BBS9: variants seen among roughly 807,000 people sequenced by gnomAD.
BBS9 encodes the protein protein PTHB1.
In BBS9, 89 loss-of-function variants were observed where a neutral mutation model predicts 117.7. That is an observed-to-expected ratio of 0.76 (90% CI 0.64 to 0.90). BBS9 has a LOEUF of 0.90. Ranked by LOEUF, BBS9 falls within the 40% of genes least tolerant of loss-of-function variation. The pLI, the probability that BBS9 is intolerant of heterozygous loss-of-function variation, is 0.00. For synonymous variants in BBS9, 379 were observed against 370.9 expected (o/e 1.02, Z -0.25); for missense variants, 982 against 1,042.2 (o/e 0.94, Z 0.80).
intron 19 of BBS9, among the ~76,000 whole-genome samples, chr7:33,421,015 C>G (rs1832784350): frequency 6.6e-6 from 1 of 152,152 alleles, no homozygotes; most frequent in Non-Finnish European, 1.5e-5. Flanking sequence ...AATTGATTTG[C>G]TTTTCAGCGA....
chr7:33,279,168 A>G (rs995611172), intron 9 of BBS9, among the ~76,000 whole-genome samples: 7 of 152,062 alleles, frequency 4.6e-5, no homozygotes, highest in South Asian at 2.1e-4. Flanking sequence ...AGCTACAACT[A>G]TAGGCATATG....
intron 15 of BBS9, among the ~76,000 whole-genome samples, chr7:33,356,412 A>C (rs1230861047): frequency 2.6e-5 from 4 of 151,812 alleles, no homozygotes; most frequent in African/African-American, 9.7e-5. Flanking sequence ...CATGCCTCTA[A>C]AAACCTCACA....
At chr7:33,315,495 A>G (rs1418647716) in intron 9 of BBS9, among the ~76,000 whole-genome samples, 1 of 152,326 alleles carries the variant, frequency 6.6e-6, no homozygotes, top group Middle Eastern at 3.4e-3. Flanking sequence ...GAATAAAATG[A>G]TTCCTCCGTA....
At chr7:33,442,304 C>A (rs1189014465) in intron 19 of BBS9, among the ~76,000 whole-genome samples, 1 of 152,044 alleles carries the variant, frequency 6.6e-6, no homozygotes, top group Non-Finnish European at 1.5e-5. Flanking sequence ...TTGCCAAAGA[C>A]CAGGAAAGAG....
At chr7:33,546,903 C>T (rs983592541) in intron 21 of BBS9, among the ~76,000 whole-genome samples, 5 of 152,164 alleles carry the variant, frequency 3.3e-5, no homozygotes, top group African/African-American at 1.2e-4. Context: ...CCATGCCTCA[C>T]CCTCAGGTAG....
intron 5 of BBS9, among the ~76,000 whole-genome samples, chr7:33,256,934 A>C (rs985442838): frequency 1.3e-5 from 2 of 152,112 alleles, no homozygotes; most frequent in South Asian, 4.1e-4. Flanking sequence ...TCAGTTTTCT[A>C]TGATAAACTG....
At chr7:33,440,091 T>C (rs1013916912) in intron 19 of BBS9, among the ~76,000 whole-genome samples, 1 of 152,178 alleles carries the variant, frequency 6.6e-6, no homozygotes, top group Non-Finnish European at 1.5e-5. Flanking sequence ...TTTTCCAGCT[T>C]TGTGATCATG....
rs557602225 is a variant in BBS9 at position 33,474,407 on chromosome 7, T to G, written c.2116-31056T>G. Among the ~76,000 whole-genome samples, 6 of 152,354 alleles carry G rather than the reference T, an allele frequency of 3.9e-5. No individual in the cohort carries two copies. The East Asian group carries it at 1.2e-3, about 29-fold the overall frequency. On this transcript the variant is annotated intron_variant, in intron 19 of 22. Coordinates refer to ENST00000242067, the MANE Select transcript of BBS9 (RefSeq NM_198428.3). ...TTATCCAGTCTTTTTGCCCCTTAAC[T>G]TTAATTTTTTTCTTATTACTCAAGT...
intron 19 of BBS9, among the ~76,000 whole-genome samples, chr7:33,422,348 T>C (rs1048027948): frequency 6.6e-6 from 1 of 152,200 alleles, no homozygotes; most frequent in Non-Finnish European, 1.5e-5. Flanking sequence ...AAAGAATAAA[T>C]ATTTACCATA....
chr7:33,366,503 G>A (rs1047094949), intron 16 of BBS9, among the ~76,000 whole-genome samples: 3 of 146,080 alleles, frequency 2.1e-5, no homozygotes, highest in South Asian at 2.2e-4. Flanking sequence ...CTTTACCCCC[G>A]TGATGATGTT....
At chr7:33,344,849 T>C (rs1335504319) in intron 12 of BBS9, among the ~76,000 whole-genome samples, 1 of 152,214 alleles carries the variant, frequency 6.6e-6, no homozygotes, top group Non-Finnish European at 1.5e-5. Flanking sequence ...ATGTATATAA[T>C]ATAAATAACT....
intron 19 of BBS9, among the ~76,000 whole-genome samples, chr7:33,436,392 C>G (rs1835307979): frequency 6.6e-6 from 1 of 152,070 alleles, no homozygotes; most frequent in African/African-American, 2.4e-5. Flanking sequence ...TGTAATAGCC[C>G]CTTGATCACT....
intron 2 of BBS9, among the ~76,000 whole-genome samples, chr7:33,149,358 C>G (rs1017487860): frequency 6.6e-6 from 1 of 152,122 alleles, no homozygotes; most frequent in Non-Finnish European, 1.5e-5. Flanking sequence ...GTCAGTTGAC[C>G]TCTACTTTTT....
intron 19 of BBS9, among the ~76,000 whole-genome samples, chr7:33,417,684 A>G (rs1832229952): frequency 6.6e-6 from 1 of 152,174 alleles, no homozygotes; most frequent in South Asian, 2.1e-4. Flanking sequence ...GCCTAACTAT[A>G]AGAAAGGAGA....
chr7:33,565,869 T>TATAG (rs1233161492), intron 21 of BBS9, among the ~76,000 whole-genome samples: 5 of 139,502 alleles, frequency 3.6e-5, no homozygotes, highest in Non-Finnish European at 6.2e-5. Context: ...TATATATATA[T>TATAG]AGCTATAAAT....
chr7:33,219,433 G>T (rs1583690869), intron 5 of BBS9, among the ~76,000 whole-genome samples: 1 of 152,206 alleles, frequency 6.6e-6, no homozygotes, highest in South Asian at 2.1e-4. Flanking sequence ...AGCCAGCTGG[G>T]CTCCTAAGTC....
intron 15 of BBS9, among the ~76,000 whole-genome samples, chr7:33,357,301 G>A (rs1236320981): frequency 2.0e-5 from 3 of 151,762 alleles, no homozygotes; most frequent in Non-Finnish European, 4.4e-5. Flanking sequence ...ACATATTAAT[G>A]TGTAAAATGA....
chr7:33,631,649 T>C (rs994247837), intron 21 of BBS9, among the ~76,000 whole-genome samples: 1 of 152,200 alleles, frequency 6.6e-6, no homozygotes, highest in Non-Finnish European at 1.5e-5. Context: ...ACTCATCCAG[T>C]AGCAGTGCAG....
intron 21 of BBS9, among the ~76,000 whole-genome samples, chr7:33,596,275 C>A (rs1862757673): frequency 7.7e-6 from 1 of 130,308 alleles, no homozygotes; most frequent in Non-Finnish European, 1.5e-5. Flanking sequence ...CACACACACA[C>A]ACACACACAC....
Sources: gnomAD v4.1 joint callset for allele counts (sites outside exome capture counted in the v4.1 genomes callset) on GRCh38, gnomAD v4.1.1 for gene constraint, MANE v1.5 for transcripts, NCBI Gene and HGNC (gene_info 2026-07-23, HGNC 2026-07-21) for gene names.